ERBB4: variants seen among roughly 807,000 people sequenced by gnomAD.
ERBB4 encodes the protein erb-b2 receptor tyrosine kinase 4, also known as receptor tyrosine-protein kinase erbB-4.
In ERBB4, 42 loss-of-function variants were observed where a neutral mutation model predicts 158.0. The observed-to-expected ratio is 0.27, with a 90% CI of 0.21 to 0.34. ERBB4 has a LOEUF of 0.34. Ranked by LOEUF, ERBB4 falls within the 10% of genes least tolerant of loss-of-function variation. The probability of loss-of-function intolerance (pLI) is 1.00; values close to 1 mark genes in which losing one functional copy is unlikely to be tolerated. For synonymous variants in ERBB4, 583 were observed against 558.7 expected (o/e 1.04, Z -0.61); for missense variants, 1,333 against 1,624.1 (o/e 0.82, Z 3.08).
At chr2:211,676,485 T>TAGAA (rs2072076428) in intron 13 of ERBB4, among the ~76,000 whole-genome samples, 1 of 152,144 alleles carries the variant, frequency 6.6e-6, no homozygotes, top group South Asian at 2.1e-4. Context: ...AACTGGTGTA[T>TAGAA]ACATACACAT....
chr2:212,037,364 T>C (rs1308152284), intron 2 of ERBB4, among the ~76,000 whole-genome samples: 1 of 152,164 alleles, frequency 6.6e-6, no homozygotes, highest in Non-Finnish European at 1.5e-5. Context: ...AGATCACAGA[T>C]GTAACAGGAG....
In ERBB4 at chr2:212,116,649, G is replaced by A. The variant is rs541168676; in HGVS notation, c.234+8103C>T. 2.0e-5 allele frequency among the ~76,000 whole-genome samples: 3 copies of A among 152,164 alleles called. No individual in the cohort carries two copies. The East Asian group carries it at 5.8e-4, about 29-fold the overall frequency. ...ATTTGTAGAGACAGGGTCTCACTAT[G>A]TTACCCAAACTTTTGGTCTCAAGCA... On this transcript the variant is annotated intron_variant, in intron 2 of 27. Coordinates refer to ENST00000342788, the MANE Select transcript of ERBB4 (RefSeq NM_005235.3).
At chr2:212,110,272 C>T (rs2079363661) in intron 2 of ERBB4, among the ~76,000 whole-genome samples, 1 of 152,312 alleles carries the variant, frequency 6.6e-6, no homozygotes, top group East Asian at 1.9e-4. Context: ...TTAGCATATT[C>T]CTGTGCTTGT....
At chr2:211,670,712 G>A (rs1381825098) in intron 14 of ERBB4, among the ~76,000 whole-genome samples, 1 of 152,112 alleles carries the variant, frequency 6.6e-6, no homozygotes, top group Non-Finnish European at 1.5e-5. Flanking sequence ...GGAAAAATGG[G>A]AGTAATACCT....
chr2:211,656,903 A>C (rs183675378), intron 16 of ERBB4, among the ~76,000 whole-genome samples: 4 of 152,302 alleles, frequency 2.6e-5, no homozygotes, highest in East Asian at 3.9e-4. Context: ...GTGATTATGA[A>C]AAAGCCACTA....
rs138520330 is a variant in ERBB4 at position 211,703,364 on chromosome 2, C to T, written c.1289+740G>A. On this transcript the variant is annotated intron_variant, in intron 11 of 27. Coordinates refer to ENST00000342788, the MANE Select transcript of ERBB4 (RefSeq NM_005235.3). ...TCCTTTCTCCTTTACATTTTTAAAA[C>T]CTCCTATAACTTTTAAATTTTAATA... Among the ~76,000 whole-genome samples the T allele has an allele frequency of 4.5e-3, 689 of 152,180 alleles. 7 individuals carry two copies. Among genetic ancestry groups the T allele is most frequent in the African/African-American group, 0.016 (644 of 41,528 alleles).
intron 1 of ERBB4, among the ~76,000 whole-genome samples, chr2:212,168,068 TAAA>T (rs10594490): frequency 0.47 from 70,679 of 149,542 alleles, 19,482 homozygotes; most frequent in Non-Finnish European, 0.64. Context: ...AAATTAAAAT[TAAA>T]AAAAAAAAAA....
chr2:211,469,399 T>TG lies in ERBB4; in HGVS notation c.2488-38300dup, dbSNP rs140394137. 3.8e-3 allele frequency among the ~76,000 whole-genome samples: 575 copies of TG among 152,242 alleles called. 6 individuals are homozygous for TG. The highest frequency in any genetic ancestry group is 0.013 in the African/African-American group (552 of 41,560). On this transcript the variant is annotated intron_variant, in intron 20 of 27. Coordinates refer to ENST00000342788, the MANE Select transcript of ERBB4 (RefSeq NM_005235.3). ...CAGCAGGAAAGTTTTCATAGTCTGG[T>TG]GGGGGAAGTGAAAATGTAAACAAAT...
At chr2:212,106,328 ACT>A (rs2079225224) in intron 2 of ERBB4, among the ~76,000 whole-genome samples, 1 of 152,142 alleles carries the variant, frequency 6.6e-6, no homozygotes, top group African/African-American at 2.4e-5. Flanking sequence ...AGCAAAGGTA[ACT>A]CTTGTTATGT....
intron 2 of ERBB4, among the ~76,000 whole-genome samples, chr2:212,007,430 C>T (rs1470683331): frequency 6.6e-6 from 1 of 151,550 alleles, no homozygotes; most frequent in Non-Finnish European, 1.5e-5. Context: ...TATGGTAAAC[C>T]ACCTTCTTAA....
intron 1 of ERBB4, among the ~76,000 whole-genome samples, chr2:212,407,872 T>A (rs1208959047): frequency 6.6e-6 from 1 of 152,044 alleles, no homozygotes; most frequent in Non-Finnish European, 1.5e-5. Context: ...ATGCTTTGTA[T>A]TGAGAATATG....
In ERBB4 at chr2:211,420,692, A is replaced by G. The variant is rs77629613; in HGVS notation, c.2965-81T>C. 2.6e-3 allele frequency: 3,187 copies of G among 1,217,592 alleles called. 67 individuals are homozygous for G. The African/African-American group carries it at 0.039, about 15-fold the overall frequency. 75.4% of individuals were successfully genotyped at this position (1,217,592 alleles called of 1,614,324 possible). On this transcript the variant is annotated intron_variant, in intron 24 of 27. Coordinates refer to ENST00000342788, the MANE Select transcript of ERBB4 (RefSeq NM_005235.3). ...GTGGTCTCTGCAATAAATTTATGTA[A>G]TATCATAACAAATGGTTGAAAAATT... is the stretch of plus-strand genomic sequence containing the variant.
intron 19 of ERBB4, among the ~76,000 whole-genome samples, chr2:211,592,872 G>C (rs1000941540): frequency 6.6e-6 from 1 of 152,010 alleles, no homozygotes; most frequent in Non-Finnish European, 1.5e-5. Context: ...TTAGCTGGGC[G>C]TGGTGGTGGG....
At chr2:211,409,256 A>T (rs1397185457) in intron 25 of ERBB4, among the ~76,000 whole-genome samples, 1 of 152,306 alleles carries the variant, frequency 6.6e-6, no homozygotes, top group East Asian at 1.9e-4. Flanking sequence ...AGTCTCAGCA[A>T]AAATACTTTG....
At chr2:211,585,520 T>C (rs925893046) in intron 19 of ERBB4, among the ~76,000 whole-genome samples, 2 of 152,132 alleles carry the variant, frequency 1.3e-5, no homozygotes, top group African/African-American at 4.8e-5. Context: ...TGAGGGGTCA[T>C]GATTTTTAAA....
intron 4 of ERBB4, among the ~76,000 whole-genome samples, chr2:211,757,787 A>C (rs1007570608): frequency 5.9e-5 from 9 of 152,202 alleles, no homozygotes; most frequent in African/African-American, 2.2e-4. Context: ...GTTACTTTGC[A>C]AATTTGTATT....
chr2:212,237,112 A>G (rs1208242268), intron 1 of ERBB4, among the ~76,000 whole-genome samples: 1 of 152,164 alleles, frequency 6.6e-6, no homozygotes, highest in African/African-American at 2.4e-5. Context: ...ATTTAGTGCT[A>G]TAAATTTCCT....
intron 1 of ERBB4, among the ~76,000 whole-genome samples, chr2:212,530,135 T>C (rs1692669921): frequency 6.6e-6 from 1 of 151,964 alleles, no homozygotes; most frequent in African/African-American, 2.4e-5. Flanking sequence ...TTTAGAGGTT[T>C]GAGGACGTGG....
At chr2:212,478,632 T>C (rs1574995614) in intron 1 of ERBB4, among the ~76,000 whole-genome samples, 1 of 152,186 alleles carries the variant, frequency 6.6e-6, no homozygotes, top group South Asian at 2.1e-4. Context: ...TCCAGGTCCC[T>C]GATGCCAGGA....
Sources: gnomAD v4.1 joint callset for allele counts (sites outside exome capture counted in the v4.1 genomes callset) on GRCh38, gnomAD v4.1.1 for gene constraint, MANE v1.5 for transcripts, NCBI Gene and HGNC (gene_info 2026-07-23, HGNC 2026-07-21) for gene names.